Variants in ARHGEF38 observed in about 807,000 individuals in gnomAD.
ARHGEF38 encodes Rho guanine nucleotide exchange factor (GEF) 38.
ARHGEF38 carries 79 observed loss-of-function variants against 79.9 expected under a neutral mutation model. The ratio of observed to expected loss-of-function variants is 0.99; its 90% confidence interval spans 0.82 to 1.19. The LOEUF (loss-of-function observed/expected upper bound fraction) is 1.19. Ranked by LOEUF, ARHGEF38 falls within the 50% of genes most tolerant of loss-of-function variation. ARHGEF38 has a pLI of 0.00. For synonymous variants in ARHGEF38, 366 were observed against 328.3 expected (o/e 1.11, Z -1.24); for missense variants, 962 against 907.2 (o/e 1.06, Z -0.78).
intron 1 of ARHGEF38, among the ~76,000 whole-genome samples, chr4:105,583,977 G>A (rs1051615418): frequency 6.6e-6 from 1 of 151,998 alleles, no homozygotes; most frequent in Non-Finnish European, 1.5e-5. Flanking sequence ...ATCTGGATAT[G>A]TTTCCTGAGT....
Position 105,680,386 on chromosome 4 carries a change from TGAGA to T in ARHGEF38, c.*2451_*2454del, listed in dbSNP as rs1022018138. ...ATTCATTGAACCAGTAAGTATTTATTGAGAGTTAGTGGGAATACAATGCTGTGCA... is the reference window on the plus strand; with the variant it reads ...ATTCATTGAACCAGTAAGTATTTATTGTTAGTGGGAATACAATGCTGTGCA... On this transcript the variant is annotated 3_prime_UTR_variant, in exon 14 of 14. Transcript: ENST00000420470. 1 of 224,216 alleles carries T rather than the reference TGAGA, an allele frequency of 4.5e-6. No individual in the cohort carries two copies. Among genetic ancestry groups the T allele is most frequent in the Admixed American group, 5.1e-5 (1 of 19,602 alleles). The allele number at this position is 224,216 out of a possible 1,614,324, so 13.9% of individuals were successfully genotyped here. A position where few individuals can be genotyped will look rare whatever the true frequency, so the allele number is the denominator to read the frequency against.
At chr4:105,675,358 C>T (rs979816346) in intron 13 of ARHGEF38, among the ~76,000 whole-genome samples, 10 of 152,084 alleles carry the variant, frequency 6.6e-5, no homozygotes, top group South Asian at 2.1e-4. Flanking sequence ...AACTGCCATG[C>T]GCTCTGTAAA....
intron 1 of ARHGEF38, among the ~76,000 whole-genome samples, chr4:105,573,827 T>A (rs1196832106): frequency 6.6e-6 from 1 of 152,096 alleles, no homozygotes; most frequent in East Asian, 1.9e-4. Context: ...ATTGACGGCT[T>A]AACAATATCA....
intron 9 of ARHGEF38, among the ~76,000 whole-genome samples, chr4:105,658,413 T>C (rs572281217): frequency 6.6e-6 from 1 of 152,170 alleles, no homozygotes; most frequent in East Asian, 1.9e-4. Context: ...ATTAATTAAT[T>C]AATTAAAAAT....
intron 6 of ARHGEF38, among the ~76,000 whole-genome samples, chr4:105,647,831 G>C (rs188143413): frequency 1.3e-5 from 2 of 151,814 alleles, no homozygotes; most frequent in East Asian, 3.9e-4. Context: ...GTGAAGAGGT[G>C]CTCTAGGATC....
intron 3 of ARHGEF38, among the ~76,000 whole-genome samples, chr4:105,613,889 A>G (rs952039315): frequency 5.9e-5 from 9 of 152,120 alleles, no homozygotes; most frequent in Non-Finnish European, 1.2e-4. Context: ...TCTTATGCCC[A>G]TCAATCAATT....
chr4:105,595,784 A>G (rs949317523), intron 2 of ARHGEF38, among the ~76,000 whole-genome samples: 1 of 152,202 alleles, frequency 6.6e-6, no homozygotes, highest in Admixed American at 6.5e-5. Context: ...AATGCCATCT[A>G]AATTGTTGTT....
At chr4:105,624,829 C>T (rs985483507) in intron 3 of ARHGEF38, among the ~76,000 whole-genome samples, 8 of 152,124 alleles carry the variant, frequency 5.3e-5, no homozygotes, top group Non-Finnish European at 1.2e-4. Context: ...TGAAAGCTGC[C>T]AGGAAAGCTC....
Position 105,680,743 on chromosome 4 carries a change from T to C in ARHGEF38, c.*2806T>C, listed in dbSNP as rs970266539. 3 of 151,682 alleles carry C rather than the reference T, an allele frequency of 2.0e-5. No individual in the cohort carries two copies. The highest frequency in any genetic ancestry group is 7.3e-5 in the African/African-American group (3 of 41,076). The allele number at this position is 151,682 out of a possible 1,614,324, so 9.4% of individuals were successfully genotyped here. ...CACACATTATCTATACAAAGAGCCA[T>C]ACTCAGTGAAAGATAAATTACCTCC... On this transcript the variant is annotated 3_prime_UTR_variant, in exon 14 of 14. Transcript: ENST00000420470.
chr4:105,596,712 C>T (rs928712230), intron 2 of ARHGEF38, among the ~76,000 whole-genome samples: 2 of 152,196 alleles, frequency 1.3e-5, no homozygotes, highest in Non-Finnish European at 2.9e-5. Flanking sequence ...CATTGCCGTC[C>T]TATACAACAG....
intron 9 of ARHGEF38, among the ~76,000 whole-genome samples, chr4:105,658,657 G>GGTA (rs992989705): frequency 6.6e-6 from 1 of 152,104 alleles, no homozygotes; most frequent in Non-Finnish European, 1.5e-5. Flanking sequence ...ACACAGTCTT[G>GGTA]GTAGTCAAAG....
chr4:105,630,079 T>C (rs1409539885), intron 3 of ARHGEF38, among the ~76,000 whole-genome samples: 1 of 152,172 alleles, frequency 6.6e-6, no homozygotes, highest in South Asian at 2.1e-4. Context: ...GTATTTACTA[T>C]ACTATGAACT....
At position 105,647,352 on chromosome 4, in the gene ARHGEF38, G is replaced by GT. The variant is rs556588760; in HGVS notation, c.875-1190dup. 2.4e-3 allele frequency among the ~76,000 whole-genome samples: 354 copies of GT among 150,628 alleles called. 2 individuals are homozygous for GT. The highest frequency in any genetic ancestry group is 8.4e-3 in the African/African-American group (343 of 40,954). On this transcript the variant is annotated intron_variant, in intron 6 of 13. Coordinates refer to ENST00000420470, the MANE Select transcript of ARHGEF38 (RefSeq NM_001242729.2). ...TGCAACATATATGGTACTATAGTTT[G>GT]TTTTTTTAAAAACTTAATCGTATAT...
chr4:105,679,533 T>C lies in ARHGEF38; in HGVS notation c.*1596T>C, dbSNP rs1388994644. The C allele has an allele frequency of 3.1e-6, 4 of 1,297,098 alleles. No homozygotes were observed. Among genetic ancestry groups the C allele is most frequent in the Admixed American group, 1.7e-5 (1 of 59,348 alleles). 80.3% of individuals were successfully genotyped at this position (1,297,098 alleles called of 1,614,324 possible). On this transcript the variant is annotated 3_prime_UTR_variant, in exon 14 of 14. Transcript: ENST00000420470. ...TTCAAAGCTTGATACACCAGAAATG[T>C]GGGCTAAAGCTGCAGCCAATGCATC... is the stretch of plus-strand genomic sequence containing the variant.
At chr4:105,612,753 T>C (rs1280125219) in intron 2 of ARHGEF38, among the ~76,000 whole-genome samples, 2 of 152,122 alleles carry the variant, frequency 1.3e-5, no homozygotes, top group African/African-American at 4.8e-5. Flanking sequence ...AGAAATTATT[T>C]GATGAAAGGA....
intron 1 of ARHGEF38, chr4:105,561,474 A>AGAATGGAATGGAATGGAATG (rs1560684594): frequency 1.2e-4 from 6 of 50,806 alleles, no homozygotes; most frequent in East Asian, 4.5e-4. Flanking sequence ...AGAATAGAAT[A>AGAATGGAATGGAATGGAATG]GAATAGAATA....
intron 10 of ARHGEF38, 92 bp from the exon 11 acceptor site, chr4:105,666,085 C>T: frequency 1.7e-6 from 2 of 1,177,584 alleles, no homozygotes; most frequent in Non-Finnish European, 2.2e-6. Context: ...TACCATATAC[C>T]TCCTCAACTG....
In ARHGEF38 at chr4:105,594,784, C is replaced by T. The variant is rs576685895; in HGVS notation, c.384+5349C>T. Among the ~76,000 whole-genome samples, 6 of 152,220 alleles carry T rather than the reference C, an allele frequency of 3.9e-5. No homozygotes were observed. The East Asian group carries it at 5.8e-4, about 15-fold the overall frequency. ...AGGCTTTTCTATGTCAGACCTTTAC[C>T]GAACTGATAATACATCAAACTCAGC... On this transcript the variant is annotated intron_variant, in intron 2 of 13. Transcript: ENST00000420470.
intron 4 of ARHGEF38, among the ~76,000 whole-genome samples, chr4:105,633,955 T>C (rs1475924521): frequency 6.6e-6 from 1 of 152,176 alleles, no homozygotes; most frequent in Non-Finnish European, 1.5e-5. Context: ...TTTCTAACTT[T>C]CAATTATTCT....
Sources: gnomAD v4.1 joint callset for allele counts (sites outside exome capture counted in the v4.1 genomes callset) on GRCh38, gnomAD v4.1.1 for gene constraint, MANE v1.5 for transcripts, NCBI Gene and HGNC (gene_info 2026-07-23, HGNC 2026-07-21) for gene names.